CECR2: variants seen among roughly 807,000 people sequenced by gnomAD.
CECR2 encodes chromatin remodeling regulator CECR2.
A neutral mutation model predicts 154.5 loss-of-function variants in CECR2; 30 were observed. The ratio of observed to expected loss-of-function variants is 0.19; its 90% CI spans 0.15 to 0.26. The LOEUF (loss-of-function observed/expected upper bound fraction) is 0.26. CECR2 is among the 10% of genes least tolerant of loss of function. The pLI is 1.00. For synonymous variants in CECR2, 725 were observed against 683.7 expected, an observed-to-expected ratio of 1.06 and a Z score of -0.94; for missense variants, 1,743 against 1,829.3, an observed-to-expected ratio of 0.95 and a Z score of 0.86.
intron 2 of CECR2, among the ~76,000 whole-genome samples, chr22:17,484,074 T>C (rs1050938885): frequency 6.6e-6 from 1 of 152,210 alleles, no homozygotes; most frequent in Non-Finnish European, 1.5e-5. Context: ...AGTCTAGGTG[T>C]GTAGTAGGCT....
At chr22:17,407,734 C>T (rs1248437064) in intron 1 of CECR2, among the ~76,000 whole-genome samples, 1 of 152,154 alleles carries the variant, frequency 6.6e-6, no homozygotes, top group Non-Finnish European at 1.5e-5. Flanking sequence ...TCTTAGAGGA[C>T]TTTGGCGGTG....
intron 1 of CECR2, among the ~76,000 whole-genome samples, chr22:17,411,836 CATATG>C (rs1320326653): frequency 2.0e-5 from 3 of 152,104 alleles, no homozygotes; most frequent in Admixed American, 6.6e-5. Flanking sequence ...TAAAATGTAT[CATATG>C]ATATATATTT....
intron 9 of CECR2, among the ~76,000 whole-genome samples, chr22:17,534,237 G>A (rs917413853): frequency 2.0e-5 from 3 of 152,006 alleles, no homozygotes; most frequent in African/African-American, 7.2e-5. Context: ...GATGTGGGAG[G>A]ATCCGTTATG....
chr22:17,551,010 C>G (rs940013865), intron 17 of CECR2, among the ~76,000 whole-genome samples: 9 of 152,204 alleles, frequency 5.9e-5, no homozygotes, highest in African/African-American at 9.7e-5. Context: ...GTGTTCCCCT[C>G]CTCAGTGCCA....
chr22:17,403,313 A>G (rs1338876152), intron 1 of CECR2, among the ~76,000 whole-genome samples: 1 of 151,974 alleles, frequency 6.6e-6, no homozygotes, highest in African/African-American at 2.4e-5. Flanking sequence ...CTTTTTATCC[A>G]TTCACCAGAT....
Position 17,371,564 on chromosome 22 carries a change from T to C in CECR2, c.126+1655T>C, listed in dbSNP as rs563560158. Among the ~76,000 whole-genome samples, 10 of 152,348 alleles carry C rather than the reference T, an allele frequency of 6.6e-5. No individual in the cohort carries two copies. In the South Asian group the frequency reaches 1.7e-3, roughly 25 times the overall value. ...AAAGGATGTTTCTCAGTTACTCTGA[T>C]GTCCTGTGTTTTCTTTCAGTTGGTA... On this transcript the variant is annotated intron_variant, in intron 1 of 18. Transcript: ENST00000262608.
intron 2 of CECR2, among the ~76,000 whole-genome samples, chr22:17,494,884 G>C (rs1320020759): frequency 6.6e-6 from 1 of 151,898 alleles, no homozygotes; most frequent in Non-Finnish European, 1.5e-5. Context: ...TAGTAGAGAT[G>C]GGATTTCACC....
intron 1 of CECR2, among the ~76,000 whole-genome samples, chr22:17,451,175 C>T (rs2054763173): frequency 6.6e-6 from 1 of 152,200 alleles, no homozygotes. Flanking sequence ...TCAGGTGGGC[C>T]AGGCTTGAGG....
intron 1 of CECR2, among the ~76,000 whole-genome samples, chr22:17,475,697 G>C (rs2522294): frequency 0.076 from 11,520 of 152,216 alleles, 482 homozygotes; most frequent in Middle Eastern, 0.15. Context: ...TGGCCTGGGA[G>C]TTTTGGCTTT....
At chr22:17,381,259 C>T (rs1196856392) in intron 1 of CECR2, among the ~76,000 whole-genome samples, 1 of 152,132 alleles carries the variant, frequency 6.6e-6, no homozygotes, top group Non-Finnish European at 1.5e-5. Flanking sequence ...AAGACTTTCC[C>T]CCCATTTTCC....
chr22:17,539,221 T>A, intron 13 of CECR2, 102 bp downstream of exon 13: 1 of 1,300,300 alleles, frequency 7.7e-7, no homozygotes. Context: ...TGTAGGACAG[T>A]GAACAGAATG....
At chr22:17,493,501 ACT>A (rs1348850609) in intron 2 of CECR2, among the ~76,000 whole-genome samples, 1 of 151,646 alleles carries the variant, frequency 6.6e-6, no homozygotes, top group Non-Finnish European at 1.5e-5. Flanking sequence ...TTCCCCATTC[ACT>A]CTCTGATGTT....
chr22:17,463,339 G>A (rs2054973580), intron 1 of CECR2, among the ~76,000 whole-genome samples: 1 of 152,090 alleles, frequency 6.6e-6, no homozygotes, highest in South Asian at 2.1e-4. Context: ...CAAAGGGGTG[G>A]AATGCTCTGA....
chr22:17,426,080 T>C (rs745416270), intron 1 of CECR2, among the ~76,000 whole-genome samples: 15 of 152,174 alleles, frequency 9.9e-5, no homozygotes, highest in Admixed American at 7.2e-4. Flanking sequence ...AAGGACAGTC[T>C]TGTTTTATCT....
At chr22:17,552,243 T>A in intron 18 of CECR2, 101 bp downstream of exon 18, 4 of 1,052,748 alleles carry the variant, frequency 3.8e-6, no homozygotes, top group Non-Finnish European at 5.6e-6. Context: ...TAAGGTATCC[T>A]GTGGATACAG....
At chr22:17,499,356 C>G in intron 3 of CECR2, 54 bp from the exon 4 acceptor site, 1 of 1,569,196 alleles carries the variant, frequency 6.4e-7, no homozygotes, top group Non-Finnish European at 8.6e-7. Context: ...CTGGTTTTTT[C>G]CTGGTGCGTT....
intron 1 of CECR2, among the ~76,000 whole-genome samples, chr22:17,411,001 G>C (rs1029058125): frequency 6.6e-6 from 1 of 152,138 alleles, no homozygotes; most frequent in Non-Finnish European, 1.5e-5. Flanking sequence ...GATTAGAACC[G>C]GTAGAGCCAA....
intron 1 of CECR2, among the ~76,000 whole-genome samples, chr22:17,429,460 G>T (rs2146630185): frequency 6.6e-6 from 1 of 150,704 alleles, no homozygotes; most frequent in Non-Finnish European, 1.5e-5. Flanking sequence ...CCAGCACTTT[G>T]GGAAGCCGAG....
chr22:17,432,639 T>G (rs894421809), intron 1 of CECR2, among the ~76,000 whole-genome samples: 2 of 152,166 alleles, frequency 1.3e-5, no homozygotes, highest in African/African-American at 4.8e-5. Context: ...TTGTTTTTTA[T>G]TTTTATTTTT....
Sources: allele counts gnomAD v4.1 joint callset (sites outside exome capture counted in the v4.1 genomes callset), GRCh38; gene constraint gnomAD v4.1.1; transcripts MANE v1.5; gene names NCBI Gene and HGNC (gene_info 2026-07-23, HGNC 2026-07-21).